The following ZNF138 variants were observed in gnomAD, a reference collection of about 807,000 sequenced individuals.
ZNF138 encodes the protein zinc finger protein 138.
In ZNF138, 33 loss-of-function variants were observed where a neutral mutation model predicts 33.0. The observed-to-expected ratio is 1.00, with a 90% CI of 0.76 to 1.34. ZNF138 has a LOEUF of 1.34. Ranked by LOEUF, ZNF138 falls within the 40% of genes most tolerant of loss-of-function variation. ZNF138 has a pLI of 0.00. For missense variants in ZNF138, 360 were observed against 370.8 expected (o/e 0.97, Z 0.24); for synonymous variants, 139 against 120.4 (o/e 1.15, Z -1.01).
intron 1 of ZNF138, among the ~76,000 whole-genome samples, chr7:64,807,089 G>A (rs1025484242): frequency 4.6e-5 from 7 of 152,252 alleles, no homozygotes; most frequent in Non-Finnish European, 1.0e-4. Context: ...TTAAGGACAT[G>A]CTCCTGCTGC....
At chr7:64,810,436 G>GGGGGA (rs1562898460) in intron 1 of ZNF138, among the ~76,000 whole-genome samples, 1 of 81,268 alleles carries the variant, frequency 1.2e-5, no homozygotes, top group Non-Finnish European at 2.4e-5. Flanking sequence ...GGGAGACCGT[G>GGGGGA]GGGAGAGGGA....
chr7:64,847,332 ATTTTT>A, the ZNF138 span, among the ~76,000 whole-genome samples: 1 of 128,138 alleles, frequency 7.8e-6, no homozygotes, highest in African/African-American at 3.0e-5. Context: ...ATATATATAT[ATTTTT>A]TTTTTTTTTT....
At chr7:64,846,717 T>C in the ZNF138 span, among the ~76,000 whole-genome samples, 1 of 152,206 alleles carries the variant, frequency 6.6e-6, no homozygotes, top group African/African-American at 2.4e-5. Flanking sequence ...AAAATACAGT[T>C]TGAGCTCTCT....
intron 1 of ZNF138, among the ~76,000 whole-genome samples, chr7:64,811,481 GA>G (rs1448837714): frequency 5.9e-5 from 9 of 152,228 alleles, no homozygotes; most frequent in African/African-American, 1.7e-4. Flanking sequence ...GAGTAGCTGG[GA>G]TTACAGGCAC....
At chr7:64,809,039 C>A (rs1311291732) in intron 1 of ZNF138, among the ~76,000 whole-genome samples, 3 of 126,532 alleles carry the variant, frequency 2.4e-5, no homozygotes, top group African/African-American at 5.7e-5. Flanking sequence ...CCACCTTTCC[C>A]GCCTTTCTAT....
chr7:64,815,176 CTTTGAGA>C (rs1788514279), intron 2 of ZNF138, 132 bp downstream of exon 2: 1 of 965,216 alleles, frequency 1.0e-6, no homozygotes, highest in African/African-American at 1.7e-5. Flanking sequence ...TCAAAAGAAT[CTTTGAGA>C]TTTGTCAGTG....
At chr7:64,831,373 T>C (rs1790063687) in intron 3 of ZNF138, 78 bp from the exon 4 acceptor site, 2 of 1,293,960 alleles carry the variant, frequency 1.5e-6, no homozygotes, top group African/African-American at 1.5e-5. Context: ...GTTTGTATGA[T>C]TTTATAGGTT....
chr7:64,809,994 G>T (rs1788009784), intron 1 of ZNF138, among the ~76,000 whole-genome samples: 1 of 95,198 alleles, frequency 1.1e-5, no homozygotes, highest in Non-Finnish European at 2.2e-5. Flanking sequence ...AGGCAGAGGG[G>T]CTCCTCACAT....
chr7:64,796,051 T>C (rs1418354758), intron 1 of ZNF138, among the ~76,000 whole-genome samples: 2 of 152,228 alleles, frequency 1.3e-5, no homozygotes, highest in African/African-American at 2.4e-5. Context: ...GTTAAGATTG[T>C]CTTCAAACCA....
chr7:64,795,388 A>C (rs963768731), intron 1 of ZNF138, among the ~76,000 whole-genome samples: 1 of 152,090 alleles, frequency 6.6e-6, no homozygotes, highest in Admixed American at 6.6e-5. Flanking sequence ...GCAGGGTCTC[A>C]AGACTCCTCC....
Position 64,832,361 on chromosome 7 carries a change from C to G in ZNF138, c.*159C>G. 1 of 1,557,532 alleles carries G rather than the reference C, an allele frequency of 6.4e-7. No individual in the cohort carries two copies. Among genetic ancestry groups the G allele is most frequent in the Non-Finnish European group, 8.6e-7 (1 of 1,157,588 alleles). ...GTGAAGAATGTGGCAGAGCTTTTAA[C>G]CAGTCCGCAAAGCTCACTGAACATA... On this transcript the variant is annotated 3_prime_UTR_variant, in exon 4 of 4. Coordinates refer to ENST00000307355, the MANE Select transcript of ZNF138 (RefSeq NM_001271639.2).
the ZNF138 span, among the ~76,000 whole-genome samples, chr7:64,860,716 G>A: frequency 2.0e-5 from 3 of 152,148 alleles, no homozygotes; most frequent in Non-Finnish European, 2.9e-5. Flanking sequence ...CACAAACCCA[G>A]GAGGGTAGTA....
Position 64,833,542 on chromosome 7 carries a change from G to A in ZNF138, c.*1340G>A, listed in dbSNP as rs1344590669. Reference sequence around the variant, plus strand: ...TTAATTCCTATACCTTATTGCACAGGAAAGCATTTATACTTCAGAAAATGT... The same window carrying A: ...TTAATTCCTATACCTTATTGCACAGAAAAGCATTTATACTTCAGAAAATGT... On this transcript the variant is annotated 3_prime_UTR_variant, in exon 4 of 4. Transcript: ENST00000307355. 6.4e-6 allele frequency: 1 copy of A among 156,938 alleles called. No individual in the cohort carries two copies. Among genetic ancestry groups the A allele is most frequent in the Non-Finnish European group, 1.4e-5 (1 of 71,504 alleles). 9.7% of individuals were successfully genotyped at this position (156,938 alleles called of 1,614,324 possible). A position where few individuals can be genotyped will look rare whatever the true frequency, so the allele number is the denominator to read the frequency against.
intron 1 of ZNF138, among the ~76,000 whole-genome samples, chr7:64,800,879 C>T (rs2128985837): frequency 6.6e-6 from 1 of 152,110 alleles, no homozygotes; most frequent in Middle Eastern, 3.4e-3. Context: ...TTGTTCTATT[C>T]AGAGATTCAA....
At chr7:64,799,178 T>C (rs545108799) in intron 1 of ZNF138, among the ~76,000 whole-genome samples, 4 of 152,290 alleles carry the variant, frequency 2.6e-5, no homozygotes, top group African/African-American at 9.6e-5. Flanking sequence ...CTTTTCTTTT[T>C]TTTTTGAGAT....
intron 3 of ZNF138, among the ~76,000 whole-genome samples, chr7:64,816,828 T>C (rs763545845): frequency 1.3e-5 from 2 of 152,206 alleles, no homozygotes; most frequent in Non-Finnish European, 2.9e-5. Flanking sequence ...TAAAGATCTT[T>C]TGTTGGCCCC....
chr7:64,813,590 C>T (rs1174579490), intron 1 of ZNF138, among the ~76,000 whole-genome samples: 2 of 152,052 alleles, frequency 1.3e-5, no homozygotes, highest in East Asian at 1.9e-4. Flanking sequence ...CCCGCCACCA[C>T]GCCCGGCTAA....
At chr7:64,809,633 C>T (rs528971535) in intron 1 of ZNF138, among the ~76,000 whole-genome samples, 20 of 149,538 alleles carry the variant, frequency 1.3e-4, no homozygotes, top group Admixed American at 3.3e-4. Context: ...GGGTGGCTGC[C>T]GGGCGGAGAC....
At chr7:64,848,813 T>C in the ZNF138 span, among the ~76,000 whole-genome samples, 1 of 150,478 alleles carries the variant, frequency 6.6e-6, no homozygotes, top group East Asian at 2.0e-4. Flanking sequence ...CACGCCATTC[T>C]CCTGCCTCAG....
Sources: allele counts gnomAD v4.1 joint callset (sites outside exome capture counted in the v4.1 genomes callset), GRCh38; gene constraint gnomAD v4.1.1; transcripts MANE v1.5; gene names NCBI Gene and HGNC (gene_info 2026-07-23, HGNC 2026-07-21).